The following KIAA0319 variants were observed in gnomAD, a reference collection of about 807,000 sequenced individuals.
KIAA0319 encodes the protein dyslexia-associated protein KIAA0319.
A neutral mutation model predicts 108.4 loss-of-function variants in KIAA0319; 83 were observed. That is an observed-to-expected ratio of 0.77 (90% CI 0.64 to 0.92). KIAA0319 has a LOEUF of 0.92. Among genes scored for constraint, KIAA0319 ranks in the 40% least tolerant of loss-of-function variants. The pLI, the probability that KIAA0319 is intolerant of heterozygous loss-of-function variation, is 0.00. For missense variants in KIAA0319, 1,195 were observed against 1,322.4 expected, an observed-to-expected ratio of 0.90 and a Z score of 1.49; for synonymous variants, 484 against 510.4, an observed-to-expected ratio of 0.95 and a Z score of 0.70.
chr6:24,611,293 G>A (rs1313219047), intron 1 of KIAA0319, among the ~76,000 whole-genome samples: 1 of 151,896 alleles, frequency 6.6e-6, no homozygotes, highest in Non-Finnish European at 1.5e-5. Flanking sequence ...GAGGTCAGGA[G>A]TTCAAGACCA....
rs144779400 is a variant in KIAA0319 at position 24,576,317 on chromosome 6, TAGACAGACAGAC to T, written c.1734+39_1734+50del. Reference sequence around the variant, plus strand: ...CCCCAACCAATAGCACATAGCTAGGTAGACAGACAGACAGACAGACAAAAGTCTGAAGGCAGG... The same window carrying T: ...CCCCAACCAATAGCACATAGCTAGGTAGACAGACAAAAGTCTGAAGGCAGG... On this transcript the variant is annotated intron_variant, in intron 10 of 20. Coordinates refer to ENST00000378214, the MANE Select transcript of KIAA0319 (RefSeq NM_014809.4). 3.8e-5 allele frequency: 55 copies of T among 1,442,206 alleles called. No individual in the cohort carries two copies. In the African/African-American group the frequency reaches 5.2e-4, roughly 14 times the overall value. The allele number at this position is 1,442,206 out of a possible 1,614,324, so 89.3% of individuals were successfully genotyped here.
chr6:24,553,292 TATACACACAC>T (rs1464277759), intron 19 of KIAA0319, among the ~76,000 whole-genome samples: 1,493 of 94,964 alleles, frequency 0.016, 27 homozygotes, highest in African/African-American at 0.046. Context: ...TATATATATA[TATACACACAC>T]ACACACACAC....
intron 16 of KIAA0319, among the ~76,000 whole-genome samples, chr6:24,559,460 C>G (rs908837778): frequency 1.3e-5 from 2 of 152,132 alleles, no homozygotes; most frequent in African/African-American, 4.8e-5. Context: ...GGTTAGTGAA[C>G]AAGAATGCAT....
At chr6:24,548,936 C>G (rs1416473983) in intron 20 of KIAA0319, among the ~76,000 whole-genome samples, 3 of 152,144 alleles carry the variant, frequency 2.0e-5, no homozygotes, top group Non-Finnish European at 4.4e-5. Context: ...TGCACCCCCA[C>G]AAATTCATGT....
chr6:24,585,481 T>C (rs1310019401), intron 4 of KIAA0319, among the ~76,000 whole-genome samples: 3 of 151,788 alleles, frequency 2.0e-5, no homozygotes, highest in Admixed American at 6.6e-5. Context: ...GTGCAGGGGG[T>C]GGGGGAAAGA....
At chr6:24,573,028 C>T (rs1764951309) in intron 10 of KIAA0319, among the ~76,000 whole-genome samples, 2 of 151,982 alleles carry the variant, frequency 1.3e-5, no homozygotes, top group African/African-American at 2.4e-5. Flanking sequence ...GGCTGAGGCA[C>T]GAGAATCACT....
intron 15 of KIAA0319, among the ~76,000 whole-genome samples, 170 bp downstream of exon 15, chr6:24,564,032 C>G (rs982070511): frequency 6.6e-6 from 1 of 152,134 alleles, no homozygotes; most frequent in African/African-American, 2.4e-5. Context: ...GAGGCTGGAT[C>G]TATCTGGGGA....
intron 20 of KIAA0319, among the ~76,000 whole-genome samples, chr6:24,549,989 T>TGGGTG (rs886415001): frequency 6.6e-6 from 1 of 152,086 alleles, no homozygotes; most frequent in African/African-American, 2.4e-5. Context: ...AAGACAAAGA[T>TGGGTG]GGGTGAGATA....
At chr6:24,575,114 C>T (rs1229616254) in intron 10 of KIAA0319, among the ~76,000 whole-genome samples, 1 of 152,190 alleles carries the variant, frequency 6.6e-6, no homozygotes, top group African/African-American at 2.4e-5. Context: ...ATTCACAGAC[C>T]TCATTTTGTG....
At chr6:24,554,046 G>T (rs807536) in intron 19 of KIAA0319, among the ~76,000 whole-genome samples, 29,045 of 152,208 alleles carry the variant, frequency 0.19, 2,950 homozygotes, top group South Asian at 0.24. Flanking sequence ...AAACGACCTG[G>T]GGTATGCAAC....
At position 24,583,569 on chromosome 6, in the gene KIAA0319, T is replaced by G. The variant is rs1423156580; in HGVS notation, c.1093+35A>C. The G allele has an allele frequency of 2.8e-6, 4 of 1,416,862 alleles. 1 individual carries two copies. The South Asian group carries it at 4.7e-5, about 17-fold the overall frequency. The allele number at this position is 1,416,862 out of a possible 1,614,324, so 87.8% of individuals were successfully genotyped here. A position where few individuals can be genotyped will look rare whatever the true frequency, so the allele number is the denominator to read the frequency against. On this transcript the variant is annotated intron_variant, in intron 5 of 20. Coordinates refer to ENST00000378214, the MANE Select transcript of KIAA0319 (RefSeq NM_014809.4). ...GACCTGCTGAAGAAAAACACCCCAG[T>G]TCCTAGTGGTCAGGGAGGAAGGTTA...
chr6:24,640,316 C>G (rs1473344413), intron 1 of KIAA0319, among the ~76,000 whole-genome samples: 4 of 152,098 alleles, frequency 2.6e-5, no homozygotes, highest in East Asian at 1.9e-4. Context: ...ATTAGGGAAG[C>G]CTTCAACAAC....
At chr6:24,593,576 AT>A (rs1434164645) in intron 3 of KIAA0319, among the ~76,000 whole-genome samples, 4 of 150,784 alleles carry the variant, frequency 2.7e-5, no homozygotes, top group Non-Finnish European at 4.4e-5. Context: ...AATTTTTTGT[AT>A]TTTTTAGTAG....
At chr6:24,584,026 C>G (rs1767053465) in intron 4 of KIAA0319, among the ~76,000 whole-genome samples, 1 of 152,124 alleles carries the variant, frequency 6.6e-6, no homozygotes, top group African/African-American at 2.4e-5. Flanking sequence ...CATTTTCTCC[C>G]TTGCTATCAG....
At chr6:24,628,075 C>T (rs1017504112) in intron 1 of KIAA0319, among the ~76,000 whole-genome samples, 17 of 152,188 alleles carry the variant, frequency 1.1e-4, no homozygotes, top group African/African-American at 3.9e-4. Flanking sequence ...ACACGTAGTG[C>T]TGGAAAGCAT....
chr6:24,573,131 C>T (rs1400566606), intron 10 of KIAA0319, among the ~76,000 whole-genome samples: 2 of 152,024 alleles, frequency 1.3e-5, no homozygotes, highest in South Asian at 2.1e-4. Context: ...ATGTTGGTCC[C>T]CAGGAAAGTG....
intron 1 of KIAA0319, among the ~76,000 whole-genome samples, chr6:24,615,301 T>C (rs1408582105): frequency 6.6e-6 from 1 of 152,212 alleles, no homozygotes; most frequent in Non-Finnish European, 1.5e-5. Context: ...TATGCAGCTC[T>C]ATATACACAT....
chr6:24,627,624 G>C (rs549784980), intron 1 of KIAA0319, among the ~76,000 whole-genome samples: 1 of 152,264 alleles, frequency 6.6e-6, no homozygotes, highest in South Asian at 2.1e-4. Flanking sequence ...CATGAGCTGT[G>C]GCCCTAGCAG....
intron 1 of KIAA0319, among the ~76,000 whole-genome samples, chr6:24,614,064 T>C (rs1404729823): frequency 2.6e-5 from 4 of 152,188 alleles, no homozygotes; most frequent in Admixed American, 2.0e-4. Flanking sequence ...TTCAGAAAAG[T>C]AGCTGTGACC....
Sources: allele counts gnomAD v4.1 joint callset (sites outside exome capture counted in the v4.1 genomes callset), GRCh38; gene constraint gnomAD v4.1.1; transcripts MANE v1.5; gene names NCBI Gene and HGNC (gene_info 2026-07-23, HGNC 2026-07-21).